Variants in RGS6 observed in about 807,000 individuals in gnomAD.
RGS6 encodes regulator of G-protein signaling 6.
Under a neutral mutation model 78.5 loss-of-function variants are expected in RGS6, and 30 were observed. That is an observed-to-expected ratio of 0.38 (90% CI 0.29 to 0.52). The LOEUF (loss-of-function observed/expected upper bound fraction) is 0.52, where lower values mean the gene tolerates loss of function less well. Among genes scored for constraint, RGS6 ranks in the 20% least tolerant of loss-of-function variants. The pLI is 0.85. For missense variants in RGS6, 495 were observed against 609.7 expected (o/e 0.81, Z 1.98); for synonymous variants, 206 against 206.0 (o/e 1.00, Z 0.00).
chr14:72,257,283 T>C (rs115123264), intron 2 of RGS6, among the ~76,000 whole-genome samples: 1,568 of 152,324 alleles, frequency 0.01, 23 homozygotes, highest in African/African-American at 0.036. Flanking sequence ...AGCAGGCTCA[T>C]TATTTCCATC....
intron 2 of RGS6, among the ~76,000 whole-genome samples, chr14:72,313,507 C>T (rs967404616): frequency 6.6e-6 from 1 of 152,200 alleles, no homozygotes; most frequent in African/African-American, 2.4e-5. Flanking sequence ...GGGGGGCTTG[C>T]ATTTACTCTT....
chr14:72,418,952 G>A (rs943252276), intron 3 of RGS6, among the ~76,000 whole-genome samples: 9 of 151,798 alleles, frequency 5.9e-5, no homozygotes, highest in Non-Finnish European at 1.2e-4. Context: ...TAGTTAATCT[G>A]TTTTCCATGC....
At chr14:72,287,532 C>T (rs981072130) in intron 2 of RGS6, among the ~76,000 whole-genome samples, 2 of 152,198 alleles carry the variant, frequency 1.3e-5, no homozygotes, top group African/African-American at 4.8e-5. Context: ...TCTAGACTTA[C>T]TGCAGCCTCC....
At chr14:72,069,612 G>A (rs1386255764) in intron 2 of RGS6, among the ~76,000 whole-genome samples, 13 of 151,986 alleles carry the variant, frequency 8.6e-5, no homozygotes, top group Admixed American at 8.5e-4. Context: ...CAGTCACAAT[G>A]ATTGCAGCCT....
At chr14:72,606,293 C>A in the RGS6 span, among the ~76,000 whole-genome samples, 1 of 152,112 alleles carries the variant, frequency 6.6e-6, no homozygotes. Context: ...GCCCCTTCCC[C>A]AAACCCGCTA....
chr14:71,879,841 G>C, the RGS6 span, among the ~76,000 whole-genome samples: 2 of 152,176 alleles, frequency 1.3e-5, no homozygotes, highest in African/African-American at 4.8e-5. Context: ...GGGTGCTGCT[G>C]TAAAGATATC....
At chr14:72,609,983 C>A in the RGS6 span, among the ~76,000 whole-genome samples, 1 of 152,188 alleles carries the variant, frequency 6.6e-6, no homozygotes, top group South Asian at 2.1e-4. Flanking sequence ...AAAAGGGAAA[C>A]CCTCTTTCAT....
intron 3 of RGS6, among the ~76,000 whole-genome samples, chr14:72,375,391 C>T (rs1350568724): frequency 2.0e-5 from 3 of 152,136 alleles, no homozygotes; most frequent in African/African-American, 4.8e-5. Flanking sequence ...CTAGAGAGGG[C>T]CAGCTGAGGA....
chr14:72,428,561 G>A (rs2094512495), intron 3 of RGS6, among the ~76,000 whole-genome samples: 1 of 152,160 alleles, frequency 6.6e-6, no homozygotes, highest in African/African-American at 2.4e-5. Flanking sequence ...TCTGTTACTG[G>A]GGTGTACAGG....
At chr14:72,175,767 G>A (rs938058927) in intron 2 of RGS6, among the ~76,000 whole-genome samples, 1 of 152,192 alleles carries the variant, frequency 6.6e-6, no homozygotes, top group Non-Finnish European at 1.5e-5. Flanking sequence ...CGGCTGGTAC[G>A]TGCTTTCTAA....
At chr14:72,195,480 A>G (rs2039865649) in intron 2 of RGS6, among the ~76,000 whole-genome samples, 1 of 152,202 alleles carries the variant, frequency 6.6e-6, no homozygotes, top group African/African-American at 2.4e-5. Flanking sequence ...AGAGAGAAAA[A>G]AGAGGGCCCA....
At chr14:72,260,188 G>C (rs8007922) in intron 2 of RGS6, among the ~76,000 whole-genome samples, 85,555 of 151,966 alleles carry the variant, frequency 0.56, 24,527 homozygotes, top group African/African-American at 0.66. Flanking sequence ...GACAATAGTC[G>C]TTACTGTTAG....
the RGS6 span, among the ~76,000 whole-genome samples, chr14:71,910,120 G>C: frequency 1.3e-5 from 2 of 152,110 alleles, no homozygotes; most frequent in Non-Finnish European, 2.9e-5. Flanking sequence ...AACCCAGGAG[G>C]CAGAGTTTGC....
intron 13 of RGS6, among the ~76,000 whole-genome samples, chr14:72,508,850 C>T (rs779817388): frequency 4.9e-4 from 75 of 152,192 alleles, no homozygotes; most frequent in Admixed American, 4.6e-3. Context: ...TCACAGACCA[C>T]ACCTTGAATA....
At chr14:72,547,319 C>G in intron 17 of RGS6, 1 of 1,535,410 alleles carries the variant, frequency 6.5e-7, no homozygotes, top group Non-Finnish European at 8.7e-7. Flanking sequence ...CTGGAAAGTT[C>G]AAAGAGAAGT....
At chr14:72,114,178 A>G (rs565701623) in intron 2 of RGS6, among the ~76,000 whole-genome samples, 2 of 152,258 alleles carry the variant, frequency 1.3e-5, no homozygotes, top group South Asian at 4.2e-4. Context: ...AGACAGAGAG[A>G]GAGGTGCAAA....
In RGS6 at chr14:72,415,908, G is replaced by T. The variant is rs552004056; in HGVS notation, c.185-38620G>T. Among the ~76,000 whole-genome samples, 35 of 152,174 alleles carry T rather than the reference G, an allele frequency of 2.3e-4. 1 individual carries two copies. The South Asian group carries it at 5.4e-3, about 23-fold the overall frequency. ...CTCACGTCTGTAATCCCAGCACTTCGGGAGGCCAAGGCGGGCAGATCATGA... is the reference window on the plus strand; with the variant it reads ...CTCACGTCTGTAATCCCAGCACTTCTGGAGGCCAAGGCGGGCAGATCATGA... On this transcript the variant is annotated intron_variant, in intron 3 of 17. Transcript: ENST00000553525.
Position 72,149,035 on chromosome 14 carries a change from G to A in RGS6, c.84+184160G>A, listed in dbSNP as rs554422777. Among the ~76,000 whole-genome samples the A allele has an allele frequency of 7.9e-5, 12 of 152,330 alleles. No homozygotes were observed. The South Asian group carries it at 8.3e-4, about 11-fold the overall frequency. On this transcript the variant is annotated intron_variant, in intron 2 of 17. Coordinates refer to ENST00000553525, the MANE Select transcript of RGS6 (RefSeq NM_001204424.2). ...GCACCACTTGGTGTCAGCTGGGGGA[G>A]CCTGAGGCTGGGGTTGGAATCATAA...
chr14:72,021,947 AG>A (rs35084463), intron 2 of RGS6, among the ~76,000 whole-genome samples: 18,329 of 151,776 alleles, frequency 0.12, 1,177 homozygotes, highest in East Asian at 0.19. Context: ...ACCCTCAAGT[AG>A]ACCCCAGTGT....
Sources: allele counts gnomAD v4.1 joint callset (sites outside exome capture counted in the v4.1 genomes callset), GRCh38; gene constraint gnomAD v4.1.1; transcripts MANE v1.5; gene names NCBI Gene and HGNC (gene_info 2026-07-23, HGNC 2026-07-21).